The following MED12L variants were observed in gnomAD, a reference collection of about 807,000 sequenced individuals.
MED12L encodes the protein mediator of RNA polymerase II transcription subunit 12-like protein.
Under a neutral mutation model 281.3 loss-of-function variants are expected in MED12L, and 60 were observed. The observed-to-expected ratio is 0.21, with a 90% CI of 0.17 to 0.26. The LOEUF (loss-of-function observed/expected upper bound fraction) is 0.26. Ranked by LOEUF, MED12L falls within the 10% of genes least tolerant of loss-of-function variation. MED12L has a pLI of 1.00. For missense variants in MED12L, 2,146 were observed against 2,680.9 expected (o/e 0.80, Z 4.41); for synonymous variants, 974 against 987.2 (o/e 0.99, Z 0.25).
intron 16 of MED12L, among the ~76,000 whole-genome samples, chr3:151,206,524 A>G (rs894185125): frequency 5.3e-5 from 8 of 151,788 alleles, no homozygotes; most frequent in Non-Finnish European, 1.2e-4. Context: ...GGGGAAATTT[A>G]TAATAAAGAA....
At chr3:151,378,323 C>G (rs1711587454) in intron 31 of MED12L, 150 bp downstream of exon 31, 7 of 818,848 alleles carry the variant, frequency 8.5e-6, no homozygotes, top group Admixed American at 3.5e-5. Flanking sequence ...GCAAGGCTGT[C>G]TTATTCCTAA....
intron 43 of MED12L, among the ~76,000 whole-genome samples, chr3:151,423,016 A>AATAT (rs56738899): frequency 0.01 from 1,437 of 141,694 alleles, 8 homozygotes; most frequent in Middle Eastern, 0.029. Context: ...AGATCATAAA[A>AATAT]ATATATATAT....
chr3:151,313,434 A>G (rs1465049507), intron 16 of MED12L, among the ~76,000 whole-genome samples: 2 of 152,128 alleles, frequency 1.3e-5, no homozygotes, highest in African/African-American at 4.8e-5. Context: ...GACTGTGGGC[A>G]GTGGTTCAAG....
At chr3:151,267,774 A>G (rs554839134) in intron 16 of MED12L, among the ~76,000 whole-genome samples, 1 of 152,200 alleles carries the variant, frequency 6.6e-6, no homozygotes, top group East Asian at 1.9e-4. Context: ...TGGTGTAGAA[A>G]CTTAGGCACT....
chr3:151,152,188 C>T (rs1323288005), intron 5 of MED12L, among the ~76,000 whole-genome samples: 1 of 130,986 alleles, frequency 7.6e-6, no homozygotes, highest in Non-Finnish European at 1.6e-5. Flanking sequence ...CAGGTTTTAT[C>T]TCCTGGGCTC....
At chr3:151,091,799 A>G (rs1720082963) in intron 2 of MED12L, among the ~76,000 whole-genome samples, 1 of 152,168 alleles carries the variant, frequency 6.6e-6, no homozygotes, top group African/African-American at 2.4e-5. Context: ...CCTGCAGCCA[A>G]ACAGCCTGGC....
chr3:151,184,680 A>G (rs1723064334), intron 11 of MED12L, among the ~76,000 whole-genome samples: 1 of 152,130 alleles, frequency 6.6e-6, no homozygotes. Context: ...TGTGGCTGAC[A>G]GTTCTGGTCA....
intron 2 of MED12L, among the ~76,000 whole-genome samples, chr3:151,103,059 G>GT (rs2148667692): frequency 6.6e-6 from 1 of 152,286 alleles, no homozygotes; most frequent in African/African-American, 2.4e-5. Context: ...AATTTGTTAT[G>GT]TAAGATTGCA....
Position 151,377,137 on chromosome 3 carries a change from T to C in MED12L, c.4275T>C (p.Asp1425=), listed in dbSNP as rs1230150858. ...ACCCAAACAGTATTGGAAGTGCTGATACAAGTAGCACGAGACAGAATGGAA... is the reference window on the plus strand; with the variant it reads ...ACCCAAACAGTATTGGAAGTGCTGACACAAGTAGCACGAGACAGAATGGAA... ...LFNPNSIGSA[D]TSSTRQNGIK... The change falls in exon 30 of 45, where the codon GAT becomes GAC. Residue 1425 remains aspartate (D), a synonymous_variant. Coordinates refer to ENST00000687756, the MANE Select transcript of MED12L (RefSeq NM_001393769.1). 1 of 1,613,972 alleles carries C rather than the reference T, an allele frequency of 6.2e-7. No individual in the cohort carries two copies. Among genetic ancestry groups the C allele is most frequent in the Non-Finnish European group, 8.5e-7 (1 of 1,179,934 alleles).
rs1403674829 is a variant in MED12L at position 151,433,358 on chromosome 3, A to G, written c.*554A>G. The G allele has an allele frequency of 6.6e-6, 1 of 152,526 alleles. No homozygotes were observed. Among genetic ancestry groups the G allele is most frequent in the Non-Finnish European group, 1.5e-5 (1 of 68,044 alleles). 9.4% of individuals were successfully genotyped at this position (152,526 alleles called of 1,614,324 possible). On this transcript the variant is annotated 3_prime_UTR_variant, in exon 45 of 45. Coordinates refer to ENST00000687756, the MANE Select transcript of MED12L (RefSeq NM_001393769.1). ...TTGTAATCTCATAAGCACTTTATAA[A>G]CTTTGTTCTTATTTATGTAGGACTC...
At chr3:151,109,127 G>A (rs572567404) in intron 2 of MED12L, among the ~76,000 whole-genome samples, 96 of 151,228 alleles carry the variant, frequency 6.3e-4, no homozygotes, top group Non-Finnish European at 1.2e-3. Context: ...GCGCAATCTC[G>A]GCTCACTGCA....
intron 4 of MED12L, among the ~76,000 whole-genome samples, chr3:151,125,018 C>G (rs1199782738): frequency 6.6e-6 from 1 of 152,210 alleles, no homozygotes; most frequent in South Asian, 2.1e-4. Context: ...TGAAAGCCAG[C>G]ACATGCTAGG....
chr3:151,254,009 T>TC (rs931676989), intron 16 of MED12L, among the ~76,000 whole-genome samples: 1 of 151,466 alleles, frequency 6.6e-6, no homozygotes, highest in East Asian at 1.9e-4. Flanking sequence ...GTTTTTTTTT[T>TC]TTGTTAATTT....
At chr3:151,429,901 C>T (rs1410813919) in intron 43 of MED12L, among the ~76,000 whole-genome samples, 1 of 152,206 alleles carries the variant, frequency 6.6e-6, no homozygotes, top group Non-Finnish European at 1.5e-5. Flanking sequence ...GTGCAAGGCA[C>T]AACCTGTAGT....
At position 151,116,431 on chromosome 3, in the gene MED12L, A is replaced by T. The variant is rs753573544; in HGVS notation, c.193A>T (p.Asn65Tyr). The change falls in exon 3 of 45, where the codon AAC becomes TAC. Residue 65 changes from asparagine to tyrosine, a missense_variant. Transcript: ENST00000687756. ...EHGSARNIVI[N>Y]PSKIGAYFSS... ...TGGCTCAGCCAGAAATATTGTAATT[A>T]ACCCATCAAAGGTAATGTTATTTGT... The T allele has an allele frequency of 1.2e-6, 2 of 1,608,570 alleles. No individual in the cohort carries two copies. Among genetic ancestry groups the T allele is most frequent in the Admixed American group, 3.3e-5 (2 of 59,962 alleles).
chr3:151,202,313 C>T (rs73021108), intron 16 of MED12L, among the ~76,000 whole-genome samples: 6,245 of 152,286 alleles, frequency 0.041, 420 homozygotes, highest in African/African-American at 0.14. Context: ...AGAAGTAGTG[C>T]AGCAACAACA....
chr3:151,254,435 A>G lies in MED12L; in HGVS notation c.2250+60769A>G, dbSNP rs894372870. On this transcript the variant is annotated intron_variant, in intron 16 of 44. Coordinates refer to ENST00000687756, the MANE Select transcript of MED12L (RefSeq NM_001393769.1). ...AGGGGAAACCTTGCTGTCTTGGTCT[A>G]ATGAGGGCAGGCTTCCCTCTGGGTT... 7.9e-5 allele frequency among the ~76,000 whole-genome samples: 12 copies of G among 152,352 alleles called. No homozygotes were observed. The South Asian group carries it at 2.1e-3, about 26-fold the overall frequency.
intron 12 of MED12L, among the ~76,000 whole-genome samples, chr3:151,185,875 C>T (rs999775617): frequency 6.6e-6 from 1 of 151,976 alleles, no homozygotes; most frequent in African/African-American, 2.4e-5. Flanking sequence ...TAAAATAATA[C>T]AATTTTAGCA....
intron 11 of MED12L, among the ~76,000 whole-genome samples, chr3:151,178,428 T>G (rs1013736186): frequency 5.3e-5 from 8 of 152,168 alleles, no homozygotes; most frequent in Non-Finnish European, 8.8e-5. Flanking sequence ...AGCAGAATAC[T>G]CTGAGGCTGT....
Sources: gnomAD v4.1 joint callset for allele counts (sites outside exome capture counted in the v4.1 genomes callset) on GRCh38, gnomAD v4.1.1 for gene constraint, MANE v1.5 for transcripts, NCBI Gene and HGNC (gene_info 2026-07-23, HGNC 2026-07-21) for gene names.